Variants in ACSBG2 observed in about 807,000 individuals in gnomAD.
The protein encoded by ACSBG2 is acyl-CoA synthetase bubblegum family member 2.
A neutral mutation model predicts 74.7 loss-of-function variants in ACSBG2; 62 were observed. That is an observed-to-expected ratio of 0.83 (90% CI 0.68 to 1.03). The LOEUF is 1.03. ACSBG2 is among the 50% of genes least tolerant of loss of function. ACSBG2 has a pLI of 0.00. For missense variants in ACSBG2, 730 were observed against 817.6 expected, an observed-to-expected ratio of 0.89 and a Z score of 1.31; for synonymous variants, 309 against 294.1, an observed-to-expected ratio of 1.05 and a Z score of -0.52.
chr19:6,191,968 C>T (rs2090573522), intron 14 of ACSBG2: 1 of 149,914 alleles, frequency 6.7e-6, no homozygotes, highest in African/African-American at 2.5e-5. Flanking sequence ...GACCCTCTTA[C>T]ACCAGTGCTG....
intron 1 of ACSBG2, among the ~76,000 whole-genome samples, chr19:6,138,236 T>C (rs2088655326): frequency 1.3e-5 from 2 of 152,118 alleles, no homozygotes; most frequent in African/African-American, 4.8e-5. Context: ...CATTTCTTCA[T>C]GTCGTCTGAG....
intron 7 of ACSBG2, among the ~76,000 whole-genome samples, chr19:6,167,741 A>C (rs1470895933): frequency 6.6e-6 from 1 of 152,218 alleles, no homozygotes. Flanking sequence ...TTCCTGTAAA[A>C]TTTGATGCAT....
chr19:6,186,738 T>C lies in ACSBG2; in HGVS notation c.1541-545T>C, dbSNP rs117568925. On this transcript the variant is annotated intron_variant, in intron 11 of 14. Transcript: ENST00000588485. ...TTTTATTTTTCAGAGAAGGTCTCGCTCTGTTGGCCAGGCTGGAATGCAGTG... is the reference window on the plus strand; with the variant it reads ...TTTTATTTTTCAGAGAAGGTCTCGCCCTGTTGGCCAGGCTGGAATGCAGTG... Among the ~76,000 whole-genome samples the C allele has an allele frequency of 5.1e-3, 772 of 152,306 alleles. 5 individuals carry two copies. The highest frequency in any genetic ancestry group is 0.011 in the East Asian group (59 of 5,190).
intron 2 of ACSBG2, among the ~76,000 whole-genome samples, chr19:6,146,013 T>G (rs926237611): frequency 7.9e-5 from 12 of 152,210 alleles, no homozygotes; most frequent in African/African-American, 2.9e-4. Flanking sequence ...TCACTTCTTA[T>G]GTTTCATTGG....
In ACSBG2 at chr19:6,185,546, G is replaced by A; in HGVS notation, c.1433G>A (p.Ser478Asn). The A allele has an allele frequency of 6.2e-7, 1 of 1,614,238 alleles. No homozygotes were observed. Among genetic ancestry groups the A allele is most frequent in the Non-Finnish European group, 8.5e-7 (1 of 1,180,044 alleles). ...GRHIFMGYLE[S>N]ETETTEAIDD... is the part of the protein sequence containing the mutation. ...CACATCTTCATGGGCTATCTGGAAAGTGAGACTGAAACTACAGAGGCCATC... is the reference window on the plus strand; with the variant it reads ...CACATCTTCATGGGCTATCTGGAAAATGAGACTGAAACTACAGAGGCCATC... Residue 478 changes from serine to asparagine, a missense_variant, in exon 11 of 15, where the codon AGT becomes AAT. Coordinates refer to ENST00000588485, the MANE Select transcript of ACSBG2 (RefSeq NM_030924.5).
intron 3 of ACSBG2, among the ~76,000 whole-genome samples, chr19:6,148,989 C>A (rs1346006158): frequency 6.6e-6 from 1 of 152,048 alleles, no homozygotes; most frequent in African/African-American, 2.4e-5. Flanking sequence ...CACCTGTAAT[C>A]CCAGCTACTC....
At chr19:6,184,053 C>A (rs2090332649) in intron 10 of ACSBG2, among the ~76,000 whole-genome samples, 1 of 152,174 alleles carries the variant, frequency 6.6e-6, no homozygotes, top group South Asian at 2.1e-4. Flanking sequence ...TCCTCAGCCT[C>A]CCAAAGCGCT....
At chr19:6,186,999 T>TA (rs1233201117) in intron 11 of ACSBG2, among the ~76,000 whole-genome samples, 7 of 144,356 alleles carry the variant, frequency 4.8e-5, no homozygotes, top group African/African-American at 1.6e-4. Context: ...GCCTGGCCAC[T>TA]AGGTTTTTTT....
At chr19:6,172,774 A>G (rs1332123261) in intron 7 of ACSBG2, among the ~76,000 whole-genome samples, 1 of 152,086 alleles carries the variant, frequency 6.6e-6, no homozygotes, top group Non-Finnish European at 1.5e-5. Flanking sequence ...ATCGCACTTA[A>G]AAGTTAGAAC....
intron 8 of ACSBG2, among the ~76,000 whole-genome samples, chr19:6,178,868 C>T (rs79777071): frequency 0.084 from 12,720 of 152,214 alleles, 935 homozygotes; most frequent in African/African-American, 0.2. Flanking sequence ...AGAAAGGACA[C>T]ACATTCAGCT....
At chr19:6,156,092 C>T (rs923406986) in intron 4 of ACSBG2, among the ~76,000 whole-genome samples, 2 of 152,046 alleles carry the variant, frequency 1.3e-5, no homozygotes, top group African/African-American at 4.8e-5. Flanking sequence ...ATGATGGGAA[C>T]AGAGGCTGAG....
At chr19:6,181,055 A>G (rs2090232856) in intron 8 of ACSBG2, among the ~76,000 whole-genome samples, 3 of 150,900 alleles carry the variant, frequency 2.0e-5, no homozygotes, top group Admixed American at 6.6e-5. Flanking sequence ...AAAAAAAAAA[A>G]AAAAAAAGAA....
chr19:6,189,576 T>G (rs2090503324), intron 13 of ACSBG2, among the ~76,000 whole-genome samples: 1 of 152,154 alleles, frequency 6.6e-6, no homozygotes, highest in Non-Finnish European at 1.5e-5. Context: ...TTACCCAGGT[T>G]GGAGTACGAT....
Position 6,147,355 on chromosome 19 carries a change from C to T in ACSBG2, c.68-91C>T, listed in dbSNP as rs1020080174. Reference sequence around the variant, plus strand: ...AAGGGGATTAATTCAACTCTCAGCACCTTAGGTCCAAAAAGACACCAACCG... The same window carrying T: ...AAGGGGATTAATTCAACTCTCAGCATCTTAGGTCCAAAAAGACACCAACCG... On this transcript the variant is annotated intron_variant, in intron 2 of 14. Coordinates refer to ENST00000588485, the MANE Select transcript of ACSBG2 (RefSeq NM_030924.5). 7.4e-5 allele frequency: 74 copies of T among 998,176 alleles called. No individual in the cohort carries two copies. The Middle Eastern group carries it at 2.5e-3, about 34-fold the overall frequency. 61.8% of individuals were successfully genotyped at this position (998,176 alleles called of 1,614,324 possible). A position where few individuals can be genotyped will look rare whatever the true frequency, so the allele number is the denominator to read the frequency against.
intron 6 of ACSBG2, among the ~76,000 whole-genome samples, chr19:6,164,332 A>G (rs1169249828): frequency 2.0e-5 from 3 of 152,050 alleles, no homozygotes; most frequent in Admixed American, 6.5e-5. Flanking sequence ...CTACCTTGTT[A>G]CAGATTATCT....
intron 8 of ACSBG2, among the ~76,000 whole-genome samples, chr19:6,177,757 C>T (rs866055442): frequency 4.7e-5 from 7 of 149,556 alleles, no homozygotes; most frequent in African/African-American, 1.7e-4. Context: ...TTTTTTTAAC[C>T]AGCTGGCTAC....
chr19:6,147,160 T>C (rs143270659), intron 2 of ACSBG2, among the ~76,000 whole-genome samples: 30 of 152,094 alleles, frequency 2.0e-4, no homozygotes, highest in African/African-American at 7.2e-4. Flanking sequence ...GATAGATGTG[T>C]GATAAAATAT....
At chr19:6,160,816 G>C (rs547715003) in intron 5 of ACSBG2, 2 of 163,036 alleles carry the variant, frequency 1.2e-5, no homozygotes, top group African/African-American at 4.8e-5. Context: ...AAAGAGGCTG[G>C]AGGCTGGGCA....
chr19:6,161,387 G>C, intron 6 of ACSBG2, 92 bp downstream of exon 6: 1 of 1,262,056 alleles, frequency 7.9e-7, no homozygotes, highest in Non-Finnish European at 1.1e-6. Flanking sequence ...GCAGAGGGAG[G>C]AGGTCGGACC....
Sources: allele counts gnomAD v4.1 joint callset (sites outside exome capture counted in the v4.1 genomes callset), GRCh38; gene constraint gnomAD v4.1.1; transcripts MANE v1.5; gene names NCBI Gene and HGNC (gene_info 2026-07-23, HGNC 2026-07-21).